Variants in MPPED2 observed in about 807,000 individuals in gnomAD.
MPPED2 encodes metallophosphoesterase domain containing 2.
In MPPED2, 5 loss-of-function variants were observed where a neutral mutation model predicts 33.0. The observed-to-expected ratio is 0.15, with a 90% CI of 0.08 to 0.32. The LOEUF is 0.32. Ranked by LOEUF, MPPED2 falls within the 10% of genes least tolerant of loss-of-function variation. MPPED2 has a pLI of 1.00. For synonymous variants in MPPED2, 136 were observed against 141.9 expected (o/e 0.96, Z 0.29); for missense variants, 275 against 372.1 (o/e 0.74, Z 2.15).
intron 4 of MPPED2, among the ~76,000 whole-genome samples, chr11:30,465,690 A>G (rs1052438381): frequency 2.6e-5 from 4 of 152,242 alleles, no homozygotes; most frequent in African/African-American, 9.6e-5. Context: ...TTTGGTAAGT[A>G]GAATCTGAAG....
intron 3 of MPPED2, among the ~76,000 whole-genome samples, chr11:30,535,786 G>T (rs1246426814): frequency 6.6e-6 from 1 of 152,028 alleles, no homozygotes; most frequent in Non-Finnish European, 1.5e-5. Context: ...GAGCCACCAA[G>T]GCCAGGCACT....
chr11:30,430,008 C>T (rs1340456441), intron 4 of MPPED2, among the ~76,000 whole-genome samples: 1 of 152,020 alleles, frequency 6.6e-6, no homozygotes, highest in Non-Finnish European at 1.5e-5. Context: ...TCCTATTTAT[C>T]TTGGTGTCCC....
chr11:30,426,543 A>G (rs1056747455), intron 4 of MPPED2, among the ~76,000 whole-genome samples: 1 of 152,102 alleles, frequency 6.6e-6, no homozygotes, highest in African/African-American at 2.4e-5. Context: ...TCAGTAAGGT[A>G]CCTCCCAGGG....
At chr11:30,437,027 A>G (rs1282177838) in intron 4 of MPPED2, among the ~76,000 whole-genome samples, 1 of 152,206 alleles carries the variant, frequency 6.6e-6, no homozygotes, top group Non-Finnish European at 1.5e-5. Flanking sequence ...AGGGGCAGAG[A>G]GCTTCCTCTA....
rs549278209 is a variant in MPPED2, at chr11:30,433,990, G to A, written c.537-16357C>T. On this transcript the variant is annotated intron_variant, in intron 4 of 6. Coordinates refer to ENST00000358117, the MANE Select transcript of MPPED2 (RefSeq NM_001584.3). ...CTTCTAGAGGCTTCCCACATTCCTT[G>A]GCTCCTGGCCCTAAATTACTCTGAC... Among the ~76,000 whole-genome samples the A allele has an allele frequency of 6.6e-5, 10 of 152,120 alleles. No individual in the cohort carries two copies. The South Asian group carries it at 2.1e-3, about 32-fold the overall frequency.
intron 6 of MPPED2, among the ~76,000 whole-genome samples, chr11:30,391,343 G>A (rs1054731347): frequency 6.6e-6 from 1 of 152,124 alleles, no homozygotes; most frequent in Non-Finnish European, 1.5e-5. Context: ...TCTGTACTTT[G>A]GACGTGATTG....
chr11:30,539,028 T>C (rs141314278), intron 2 of MPPED2, among the ~76,000 whole-genome samples: 1 of 152,242 alleles, frequency 6.6e-6, no homozygotes, highest in Non-Finnish European at 1.5e-5. Context: ...CCCACAGGCA[T>C]AGAGTTGAAA....
intron 4 of MPPED2, among the ~76,000 whole-genome samples, chr11:30,467,865 G>T (rs567263781): frequency 6.6e-6 from 1 of 152,262 alleles, no homozygotes; most frequent in African/African-American, 2.4e-5. Context: ...ACTGTTGGGG[G>T]TAGGAGGGGG....
chr11:30,540,300 G>A (rs1955027926), intron 2 of MPPED2, among the ~76,000 whole-genome samples: 1 of 152,156 alleles, frequency 6.6e-6, no homozygotes, highest in Admixed American at 6.5e-5. Flanking sequence ...AGGATGTTTG[G>A]CTGCAGAGCC....
At chr11:30,433,951 C>T (rs983997164) in intron 4 of MPPED2, among the ~76,000 whole-genome samples, 1 of 152,102 alleles carries the variant, frequency 6.6e-6, no homozygotes, top group African/African-American at 2.4e-5. Flanking sequence ...AATCTAATTC[C>T]TTGCCTTTTA....
intron 2 of MPPED2, among the ~76,000 whole-genome samples, chr11:30,561,415 G>C (rs947454885): frequency 6.6e-6 from 1 of 152,210 alleles, no homozygotes; most frequent in African/African-American, 2.4e-5. Flanking sequence ...AAATGTGAAT[G>C]TACTGCCAAA....
rs376499715 is a variant in MPPED2, at chr11:30,516,445, A to G, written c.310+19549T>C. ...GTAGCATTTCCCTAACATGAATATT[A>G]AACTCAGAAGAGCCCATGAAGCACT... is the stretch of plus-strand genomic sequence containing the variant. On this transcript the variant is annotated intron_variant, in intron 3 of 6. Transcript: ENST00000358117. Among the ~76,000 whole-genome samples the G allele has an allele frequency of 9.2e-5, 14 of 152,338 alleles. No individual in the cohort carries two copies. In the East Asian group the frequency reaches 1.7e-3, roughly 19 times the overall value.
At chr11:30,459,656 A>G (rs1452303059) in intron 4 of MPPED2, among the ~76,000 whole-genome samples, 1 of 152,166 alleles carries the variant, frequency 6.6e-6, no homozygotes, top group African/African-American at 2.4e-5. Flanking sequence ...TCTCTCTGGT[A>G]TCATATTATT....
At chr11:30,544,826 G>T (rs747058175) in intron 2 of MPPED2, among the ~76,000 whole-genome samples, 1 of 152,132 alleles carries the variant, frequency 6.6e-6, no homozygotes, top group Non-Finnish European at 1.5e-5. Flanking sequence ...GTAGTATGTC[G>T]ATTTCAAATG....
At chr11:30,561,011 C>G (rs1211188481) in intron 2 of MPPED2, among the ~76,000 whole-genome samples, 1 of 152,132 alleles carries the variant, frequency 6.6e-6, no homozygotes, top group African/African-American at 2.4e-5. Context: ...TGTGAGTAAT[C>G]GTTAGCTGAG....
At chr11:30,488,463 C>T (rs575205137) in intron 4 of MPPED2, among the ~76,000 whole-genome samples, 104 of 152,260 alleles carry the variant, frequency 6.8e-4, no homozygotes, top group Admixed American at 1.6e-3. Context: ...GATAAAGGCA[C>T]CCGGCAGGCT....
intron 4 of MPPED2, among the ~76,000 whole-genome samples, chr11:30,452,330 C>T (rs1950097998): frequency 1.3e-5 from 2 of 152,212 alleles, no homozygotes; most frequent in African/African-American, 2.4e-5. Flanking sequence ...AGTCATCCTT[C>T]AAGATCTGGC....
chr11:30,511,754 G>A (rs1953208341), intron 3 of MPPED2, among the ~76,000 whole-genome samples: 1 of 152,058 alleles, frequency 6.6e-6, no homozygotes, highest in Non-Finnish European at 1.5e-5. Context: ...CAATTAATTA[G>A]ACAATATTTT....
chr11:30,541,205 T>C (rs147170253), intron 2 of MPPED2, among the ~76,000 whole-genome samples: 105 of 152,344 alleles, frequency 6.9e-4, no homozygotes, highest in African/African-American at 2.4e-3. Context: ...TGCTTACATA[T>C]CTCACTGCAT....
Sources: gnomAD v4.1 joint callset for allele counts (sites outside exome capture counted in the v4.1 genomes callset) on GRCh38, gnomAD v4.1.1 for gene constraint, MANE v1.5 for transcripts, NCBI Gene and HGNC (gene_info 2026-07-23, HGNC 2026-07-21) for gene names.